Variants in ADAMTSL1 observed in about 807,000 individuals in gnomAD.
ADAMTSL1 encodes ADAMTS like 1.
ADAMTSL1 carries 126 observed loss-of-function variants against 201.8 expected under a neutral mutation model. That is an observed-to-expected ratio of 0.62 (90% CI 0.54 to 0.72). ADAMTSL1 has a LOEUF of 0.72. Ranked by LOEUF, ADAMTSL1 falls within the 30% of genes least tolerant of loss-of-function variation. The pLI is 0.00. For synonymous variants in ADAMTSL1, 1,121 were observed against 903.4 expected (o/e 1.24, Z -4.32); for missense variants, 2,679 against 2,277.8 (o/e 1.18, Z -3.59).
chr9:18,199,719 G>A (rs1008058002), intron 2 of ADAMTSL1, among the ~76,000 whole-genome samples: 1 of 152,132 alleles, frequency 6.6e-6, no homozygotes, highest in Non-Finnish European at 1.5e-5. Flanking sequence ...ATTTAATTGA[G>A]TTTTAGCACA....
rs567835876 is a variant in ADAMTSL1 at position 18,202,825 on chromosome 9, G to C, written c.207+38844G>C. Among the ~76,000 whole-genome samples the C allele has an allele frequency of 2.8e-4, 43 of 151,842 alleles. 1 individual carries two copies. The highest frequency in any genetic ancestry group is 3.4e-3 in the Middle Eastern group (1 of 294). ...CAGAATAGACACAACCTTAGGTTGA[G>C]TGGGTTGAGTGGATGGAGAGATGGA... On this transcript the variant is annotated intron_variant, in intron 2 of 29. Transcript: ENST00000680146.
chr9:18,454,082 A>T (rs1337448856), intron 2 of ADAMTSL1, among the ~76,000 whole-genome samples: 1 of 152,220 alleles, frequency 6.6e-6, no homozygotes, highest in Non-Finnish European at 1.5e-5. Context: ...ATGGAAGCTG[A>T]GAAGTTCCAT....
chr9:18,631,773 T>C (rs896322913), intron 5 of ADAMTSL1, among the ~76,000 whole-genome samples: 1 of 152,172 alleles, frequency 6.6e-6, no homozygotes, highest in African/African-American at 2.4e-5. Context: ...TACTTTTAGG[T>C]ACAGTCCTTG....
At chr9:18,885,892 C>G (rs991530599) in intron 23 of ADAMTSL1, among the ~76,000 whole-genome samples, 3 of 151,984 alleles carry the variant, frequency 2.0e-5, no homozygotes, top group African/African-American at 7.3e-5. Flanking sequence ...GTCTCCTAAC[C>G]TCTCTAGGCC....
chr9:18,531,943 G>A (rs75989636), intron 2 of ADAMTSL1, among the ~76,000 whole-genome samples: 2,343 of 152,006 alleles, frequency 0.015, 44 homozygotes, highest in African/African-American at 0.048. Flanking sequence ...CCTAAGCTTC[G>A]GTTTTGTCAT....
At chr9:18,147,801 A>G (rs1826713752) in intron 1 of ADAMTSL1, among the ~76,000 whole-genome samples, 1 of 152,142 alleles carries the variant, frequency 6.6e-6, no homozygotes, top group Admixed American at 6.6e-5. Flanking sequence ...GAAAATGAAC[A>G]TAGGTGGTTT....
In ADAMTSL1 at chr9:18,639,395, C is replaced by A; in HGVS notation, c.818C>A (p.Ala273Glu). ...EILRMAGPLT[A>E]DFIVKIRNSG... The stretch of plus-strand genomic sequence containing the variant: ...CTGAGAATGGCTGGACCACTCACAG[C>A]AGATTTCATTGTCAAGGTGAGCCCT... Residue 273 changes from alanine (A) to glutamate (E), a missense_variant, in exon 7 of 29, where the codon GCA (alanine) becomes GAA (glutamate). Ala to Glu is a moderately radical substitution (Grantham distance 107). Coordinates refer to ENST00000380548, the MANE Select transcript of ADAMTSL1 (RefSeq NM_001040272.6). 6.2e-7 allele frequency: 1 copy of A among 1,612,502 alleles called. No individual in the cohort carries two copies. Among genetic ancestry groups the A allele is most frequent in the Non-Finnish European group, 8.5e-7 (1 of 1,178,988 alleles).
chr9:18,521,502 T>A (rs112429281), intron 2 of ADAMTSL1, among the ~76,000 whole-genome samples: 10,090 of 151,834 alleles, frequency 0.066, 976 homozygotes, highest in African/African-American at 0.21. Context: ...ATTTATTCAA[T>A]GTTTATTAAA....
chr9:18,254,000 C>A (rs193173403), intron 2 of ADAMTSL1, among the ~76,000 whole-genome samples: 7 of 152,300 alleles, frequency 4.6e-5, no homozygotes, highest in Non-Finnish European at 8.8e-5. Context: ...CATCTGTGTG[C>A]AACCTGCCAC....
intron 1 of ADAMTSL1, among the ~76,000 whole-genome samples, chr9:17,932,456 C>G (rs543777433): frequency 3.2e-4 from 49 of 152,196 alleles, no homozygotes; most frequent in Middle Eastern, 3.4e-3. Context: ...ATCTCTTATG[C>G]TTTTTTGTCC....
At chr9:18,224,530 C>T (rs1830375230) in intron 2 of ADAMTSL1, among the ~76,000 whole-genome samples, 1 of 152,012 alleles carries the variant, frequency 6.6e-6, no homozygotes, top group Non-Finnish European at 1.5e-5. Context: ...TGCTGCTGGC[C>T]CCCCCAAATT....
At chr9:18,844,439 G>T (rs553266556) in intron 23 of ADAMTSL1, among the ~76,000 whole-genome samples, 1 of 152,180 alleles carries the variant, frequency 6.6e-6, no homozygotes, top group Non-Finnish European at 1.5e-5. Flanking sequence ...GTGTCAGTCT[G>T]CCCCTACTGG....
intron 2 of ADAMTSL1, among the ~76,000 whole-genome samples, chr9:18,252,541 G>A (rs1175449088): frequency 1.3e-5 from 2 of 152,054 alleles, no homozygotes; most frequent in Non-Finnish European, 2.9e-5. Context: ...CAATGTAAAG[G>A]CTATGTAAAC....
chr9:18,126,780 A>G (rs896176278), intron 1 of ADAMTSL1, among the ~76,000 whole-genome samples: 4 of 152,204 alleles, frequency 2.6e-5, no homozygotes, highest in African/African-American at 9.6e-5. Flanking sequence ...TGTAGTTTTT[A>G]ATTAGTTATC....
At chr9:18,434,869 C>T (rs142744718) in intron 2 of ADAMTSL1, among the ~76,000 whole-genome samples, 9 of 152,302 alleles carry the variant, frequency 5.9e-5, no homozygotes, top group African/African-American at 2.2e-4. Flanking sequence ...AGATCATAAC[C>T]ACAGTTGAAT....
At chr9:18,327,447 G>A (rs1204953109) in intron 2 of ADAMTSL1, among the ~76,000 whole-genome samples, 24 of 152,210 alleles carry the variant, frequency 1.6e-4, no homozygotes, top group Admixed American at 1.6e-3. Context: ...TGGGTTATCT[G>A]AGATCTTTCC....
intron 1 of ADAMTSL1, 100 bp downstream of exon 1, chr9:18,474,395 T>G: frequency 8.6e-7 from 1 of 1,167,656 alleles, no homozygotes; most frequent in Non-Finnish European, 1.3e-6. Context: ...GTGTGTGTCT[T>G]TATCTTAAAA....
intron 2 of ADAMTSL1, among the ~76,000 whole-genome samples, chr9:18,432,088 G>C (rs955270981): frequency 6.6e-6 from 1 of 152,170 alleles, no homozygotes; most frequent in Non-Finnish European, 1.5e-5. Flanking sequence ...TCTCTTTAAA[G>C]AGGCCAGCTC....
At chr9:18,676,566 A>G (rs1347716738) in intron 10 of ADAMTSL1, among the ~76,000 whole-genome samples, 1 of 152,112 alleles carries the variant, frequency 6.6e-6, no homozygotes, top group African/African-American at 2.4e-5. Flanking sequence ...CCTTTATAAT[A>G]TATTCATAAG....
Sources: allele counts gnomAD v4.1 joint callset (sites outside exome capture counted in the v4.1 genomes callset), GRCh38; gene constraint gnomAD v4.1.1; transcripts MANE v1.5; gene names NCBI Gene and HGNC (gene_info 2026-07-23, HGNC 2026-07-21).